The following PPFIA2 variants were observed in gnomAD, a reference collection of about 807,000 sequenced individuals.
PPFIA2 encodes the protein liprin-alpha-2.
A neutral mutation model predicts 175.5 loss-of-function variants in PPFIA2; 46 were observed. The observed-to-expected ratio is 0.26, with a 90% confidence interval of 0.21 to 0.34. The LOEUF is 0.34. Ranked by LOEUF, PPFIA2 falls within the 10% of genes least tolerant of loss-of-function variation. PPFIA2 has a pLI of 1.00. For missense variants in PPFIA2, 1,179 were observed against 1,506.1 expected (o/e 0.78, Z 3.60); for synonymous variants, 568 against 511.4 (o/e 1.11, Z -1.49).
chr12:81,750,028 GC>G (rs1361659398), intron 3 of PPFIA2, among the ~76,000 whole-genome samples: 1 of 143,780 alleles, frequency 7.0e-6, no homozygotes, highest in Non-Finnish European at 1.6e-5. Flanking sequence ...TGGGGAACAG[GC>G]ACATAAACAG....
chr12:81,659,437 C>G (rs2068396197), intron 4 of PPFIA2, among the ~76,000 whole-genome samples: 1 of 152,190 alleles, frequency 6.6e-6, no homozygotes, highest in Admixed American at 6.5e-5. Context: ...GGTTCTACGC[C>G]CATGGAGCCT....
chr12:81,352,687 T>C lies in PPFIA2; in HGVS notation c.1994+432A>G, dbSNP rs189900239. On this transcript the variant is annotated intron_variant, in intron 17 of 32. Coordinates refer to ENST00000549396, the MANE Select transcript of PPFIA2 (RefSeq NM_003625.5). ...CAATGTTGAAATATTTTAAGGAATC[T>C]GAATGCACATTAATTTGCATACTAT... 1.6e-4 allele frequency among the ~76,000 whole-genome samples: 24 copies of C among 152,288 alleles called. No homozygotes were observed. The East Asian group carries it at 4.7e-3, about 30-fold the overall frequency.
At chr12:81,505,442 T>C (rs1414084449) in intron 4 of PPFIA2, among the ~76,000 whole-genome samples, 2 of 152,154 alleles carry the variant, frequency 1.3e-5, no homozygotes. Flanking sequence ...TCAGAATCCG[T>C]TACTCTATTT....
intron 5 of PPFIA2, among the ~76,000 whole-genome samples, chr12:81,455,630 G>C (rs892260468): frequency 6.6e-6 from 1 of 151,978 alleles, no homozygotes; most frequent in Non-Finnish European, 1.5e-5. Context: ...GTTCTCATGG[G>C]GTTCAATATG....
At chr12:81,498,535 G>C (rs2060259407) in intron 4 of PPFIA2, among the ~76,000 whole-genome samples, 1 of 152,152 alleles carries the variant, frequency 6.6e-6, no homozygotes, top group African/African-American at 2.4e-5. Flanking sequence ...TGGAAGAGCA[G>C]CACAGAGAGG....
chr12:81,757,885 A>C (rs1413727111), intron 2 of PPFIA2, among the ~76,000 whole-genome samples: 2 of 152,216 alleles, frequency 1.3e-5, no homozygotes, highest in Admixed American at 6.5e-5. Context: ...TTCTTCTGAA[A>C]ACATTTAGTC....
At chr12:81,594,725 A>C (rs932195306) in intron 4 of PPFIA2, among the ~76,000 whole-genome samples, 1 of 151,960 alleles carries the variant, frequency 6.6e-6, no homozygotes, top group Non-Finnish European at 1.5e-5. Context: ...GACCCTGGAA[A>C]ATATAGTGAG....
chr12:81,609,252 G>C (rs539435187), intron 4 of PPFIA2, among the ~76,000 whole-genome samples: 1 of 152,114 alleles, frequency 6.6e-6, no homozygotes, highest in East Asian at 1.9e-4. Context: ...TGTATATTCT[G>C]TGGTTGTTGG....
At chr12:81,647,960 C>T (rs1187750024) in intron 4 of PPFIA2, among the ~76,000 whole-genome samples, 1 of 145,380 alleles carries the variant, frequency 6.9e-6, no homozygotes, top group African/African-American at 2.5e-5. Flanking sequence ...TTGTCAGAAG[C>T]ATTGAAAGCT....
chr12:81,565,925 C>A (rs1423177838), intron 4 of PPFIA2, among the ~76,000 whole-genome samples: 1 of 152,182 alleles, frequency 6.6e-6, no homozygotes, highest in African/African-American at 2.4e-5. Flanking sequence ...GTAATAATTA[C>A]TTGCCAGAGG....
At chr12:81,488,312 T>TAC (rs529461752) in intron 4 of PPFIA2, among the ~76,000 whole-genome samples, 283 of 151,774 alleles carry the variant, frequency 1.9e-3, no homozygotes, top group African/African-American at 6.6e-3. Context: ...TTCCTCTCTC[T>TAC]ACCACCACAA....
intron 4 of PPFIA2, among the ~76,000 whole-genome samples, chr12:81,619,380 G>C (rs2061771974): frequency 6.6e-6 from 1 of 152,170 alleles, no homozygotes; most frequent in Non-Finnish European, 1.5e-5. Context: ...AATGCCATAA[G>C]ATGTAAGTAT....
intron 4 of PPFIA2, among the ~76,000 whole-genome samples, chr12:81,536,827 AAGG>A (rs1196128122): frequency 6.7e-6 from 1 of 148,194 alleles, no homozygotes; most frequent in Non-Finnish European, 1.5e-5. Context: ...GAGATGTGGT[AAGG>A]AGAAGAGGAA....
At chr12:81,464,242 C>A (rs117434078) in intron 4 of PPFIA2, among the ~76,000 whole-genome samples, 2 of 152,254 alleles carry the variant, frequency 1.3e-5, no homozygotes, top group Non-Finnish European at 2.9e-5. Flanking sequence ...ACTATCATTT[C>A]TTAAGTACTA....
chr12:81,749,442 G>A (rs1328417185), intron 3 of PPFIA2, among the ~76,000 whole-genome samples: 2 of 143,706 alleles, frequency 1.4e-5, no homozygotes, highest in Admixed American at 7.4e-5. Context: ...TAAAAAAGGT[G>A]ATGAAAACAA....
chr12:81,733,502 T>C lies in PPFIA2; in HGVS notation c.249+20471A>G, dbSNP rs534403895. On this transcript the variant is annotated intron_variant, in intron 3 of 32. Transcript: ENST00000549396. ...CACAATAAAAAATAATAAAATAAAA[T>C]GAGGGAATCTTAAATTTAAATCTTG... Among the ~76,000 whole-genome samples the C allele has an allele frequency of 2.7e-3, 416 of 151,658 alleles. 5 individuals are homozygous for C. The highest frequency in any genetic ancestry group is 6.8e-3 in the Middle Eastern group (2 of 294).
intron 8 of PPFIA2, among the ~76,000 whole-genome samples, chr12:81,389,411 TAAA>T (rs2039683981): frequency 6.6e-6 from 1 of 151,932 alleles, no homozygotes; most frequent in African/African-American, 2.4e-5. Flanking sequence ...AAAACGCTTT[TAAA>T]ATGTTAACTT....
rs892035429 is a variant in PPFIA2, at chr12:81,583,847, T to A, written c.303+92944A>T. ...CATGGAGAAGCTCTGCCTAGAATGG[T>A]CCCTCAGTTCATGGCCCATTGGCCA... On this transcript the variant is annotated intron_variant, in intron 4 of 32. Coordinates refer to ENST00000549396, the MANE Select transcript of PPFIA2 (RefSeq NM_003625.5). Among the ~76,000 whole-genome samples the A allele has an allele frequency of 8.5e-5, 13 of 152,062 alleles. 1 individual carries two copies. The South Asian group carries it at 1.7e-3, about 19-fold the overall frequency.
At chr12:81,352,766 C>A (rs1191904534) in intron 17 of PPFIA2, among the ~76,000 whole-genome samples, 1 of 152,120 alleles carries the variant, frequency 6.6e-6, no homozygotes, top group Non-Finnish European at 1.5e-5. Flanking sequence ...GTGATTACCA[C>A]ACACACTTTC....
Sources: allele counts gnomAD v4.1 joint callset (sites outside exome capture counted in the v4.1 genomes callset), GRCh38; gene constraint gnomAD v4.1.1; transcripts MANE v1.5; gene names NCBI Gene and HGNC (gene_info 2026-07-23, HGNC 2026-07-21).